ACAA2: variants seen among roughly 807,000 people sequenced by gnomAD.
The protein encoded by ACAA2 is acetyl-CoA acyltransferase 2.
Under a neutral mutation model 44.8 loss-of-function variants are expected in ACAA2, and 35 were observed. The ratio of observed to expected loss-of-function variants is 0.78; its 90% CI spans 0.60 to 1.04. The LOEUF is 1.04. Ranked by LOEUF, ACAA2 falls within the 50% of genes least tolerant of loss-of-function variation. The pLI, the probability that ACAA2 is intolerant of heterozygous loss-of-function variation, is 0.00. For missense variants in ACAA2, 468 were observed against 482.6 expected, an observed-to-expected ratio of 0.97 and a Z score of 0.28; for synonymous variants, 142 against 166.5, an observed-to-expected ratio of 0.85 and a Z score of 1.13.
chr18:49,792,869 C>T (rs1171743071), intron 5 of ACAA2, among the ~76,000 whole-genome samples: 4 of 151,904 alleles, frequency 2.6e-5, no homozygotes, highest in Admixed American at 2.0e-4. Context: ...TATTTACTTA[C>T]ACAACTTACC....
rs1357083857 is a variant in ACAA2 at position 49,783,807 on chromosome 18, A to G, written c.*40T>C. 1 of 1,572,370 alleles carries G rather than the reference A, an allele frequency of 6.4e-7. No individual in the cohort carries two copies. Among genetic ancestry groups the G allele is most frequent in the Non-Finnish European group, 8.7e-7 (1 of 1,144,372 alleles). Reference sequence around the variant, plus strand: ...CACTTGTTTTACTGTGGCCTGGCCAAGTAGAGTAAGGATGGGTCACAGTGA... The same window carrying G: ...CACTTGTTTTACTGTGGCCTGGCCAGGTAGAGTAAGGATGGGTCACAGTGA... On this transcript the variant is annotated 3_prime_UTR_variant, in exon 10 of 10. Coordinates refer to ENST00000285093, the MANE Select transcript of ACAA2 (RefSeq NM_006111.3).
At chr18:49,793,440 C>CT (rs1402848913) in intron 5 of ACAA2, among the ~76,000 whole-genome samples, 1 of 152,190 alleles carries the variant, frequency 6.6e-6, no homozygotes, top group African/African-American at 2.4e-5. Context: ...TATGACTGAG[C>CT]TTGATAACTT....
chr18:49,809,661 T>C (rs2023647625), intron 1 of ACAA2, among the ~76,000 whole-genome samples: 1 of 152,206 alleles, frequency 6.6e-6, no homozygotes. Context: ...CTACATGATA[T>C]CTGGAAAAGG....
At chr18:49,789,132 GCTGTGTATTTCCTCA>G (rs1403059348) in intron 7 of ACAA2, among the ~76,000 whole-genome samples, 1 of 152,092 alleles carries the variant, frequency 6.6e-6, no homozygotes, top group Non-Finnish European at 1.5e-5. Flanking sequence ...TCTTTCTATA[GCTGTGTATTTCCTCA>G]GAACCAGTAC....
At chr18:49,803,708 G>C (rs2023582433) in intron 1 of ACAA2, among the ~76,000 whole-genome samples, 3 of 152,124 alleles carry the variant, frequency 2.0e-5, no homozygotes, top group African/African-American at 7.2e-5. Context: ...ATATTGCCTA[G>C]TATTAGAATA....
intron 4 of ACAA2, among the ~76,000 whole-genome samples, chr18:49,795,393 T>A (rs2023453579): frequency 1.3e-5 from 2 of 152,216 alleles, no homozygotes; most frequent in Non-Finnish European, 2.9e-5. Flanking sequence ...TAAGTCACGT[T>A]AAAGATTTAA....
At chr18:49,810,251 C>T (rs1025985884) in intron 1 of ACAA2, among the ~76,000 whole-genome samples, 2 of 152,204 alleles carry the variant, frequency 1.3e-5, no homozygotes, top group Non-Finnish European at 2.9e-5. Flanking sequence ...ACACGTAACA[C>T]TCCACACCCC....
In ACAA2 at chr18:49,813,058, C is replaced by G. The variant is rs2023688983; in HGVS notation, c.16+411G>C. The G allele has an allele frequency of 1.1e-5, 2 of 174,544 alleles. 1 individual carries two copies. The highest frequency in any genetic ancestry group is 2.9e-4 in the East Asian group (2 of 6,910). 10.8% of individuals were successfully genotyped at this position (174,544 alleles called of 1,614,324 possible). On this transcript the variant is annotated intron_variant, in intron 1 of 9. Transcript: ENST00000285093. ...CCTCTCCATCGATTCACCCGGGGAG[C>G]CCTGACCACCGAGGCCGAGCGGCGG...
chr18:49,803,071 C>A (rs1598800695), intron 1 of ACAA2: 1 of 599,738 alleles, frequency 1.7e-6, no homozygotes, highest in Middle Eastern at 4.5e-4. Context: ...GTACCAAGAA[C>A]TGCACTGCAT....
intron 1 of ACAA2, among the ~76,000 whole-genome samples, chr18:49,810,811 C>A (rs574263379): frequency 1.3e-5 from 2 of 151,558 alleles, no homozygotes; most frequent in Non-Finnish European, 2.9e-5. Context: ...CACAGCCTCC[C>A]GAGTAGCTGG....
chr18:49,802,560 C>CAT, intron 2 of ACAA2, 127 bp downstream of exon 2: 3 of 592,568 alleles, frequency 5.1e-6, no homozygotes, highest in Non-Finnish European at 4.7e-6. Context: ...GACTCCATCT[C>CAT]AAAAAAAAAA....
At chr18:49,785,068 T>A (rs182799776) in intron 9 of ACAA2, 129 bp downstream of exon 9, 28 of 1,134,960 alleles carry the variant, frequency 2.5e-5, no homozygotes, top group African/African-American at 1.6e-4. Flanking sequence ...AAGTAACTTG[T>A]TCCTGGTAAC....
chr18:49,808,400 A>C (rs527722924), intron 1 of ACAA2, among the ~76,000 whole-genome samples: 18 of 152,374 alleles, frequency 1.2e-4, no homozygotes, highest in Admixed American at 1.1e-3. Flanking sequence ...AAAACCTGCA[A>C]ACAAATGTTT....
At chr18:49,785,468 T>A in intron 8 of ACAA2, 117 bp from the exon 9 acceptor site, 1 of 960,522 alleles carries the variant, frequency 1.0e-6, no homozygotes, top group Non-Finnish European at 1.6e-6. Flanking sequence ...TTAAATTACC[T>A]CGCAAAGTTA....
rs2023277629 is a variant in ACAA2 at position 49,782,497 on chromosome 18, A to G, written c.*1350T>C. 1 of 150,534 alleles carries G rather than the reference A, an allele frequency of 6.6e-6. No individual in the cohort carries two copies. The highest frequency in any genetic ancestry group is 1.5e-5 in the Non-Finnish European group (1 of 67,908). 9.3% of individuals were successfully genotyped at this position (150,534 alleles called of 1,614,324 possible). The stretch of plus-strand genomic sequence containing the variant: ...TTTAACATCTATTATTCAGTGAGCC[A>G]TGACTGTGCCACTGCAATTCTGCCT... On this transcript the variant is annotated 3_prime_UTR_variant, in exon 10 of 10. Coordinates refer to ENST00000285093, the MANE Select transcript of ACAA2 (RefSeq NM_006111.3).
intron 6 of ACAA2, among the ~76,000 whole-genome samples, 156 bp from the exon 7 acceptor site, chr18:49,791,755 A>G (rs2023402198): frequency 6.6e-6 from 1 of 152,206 alleles, no homozygotes; most frequent in East Asian, 1.9e-4. Flanking sequence ...TGGTGGATGA[A>G]GGAGATTTTT....
chr18:49,807,730 G>A (rs1376252846), intron 1 of ACAA2, among the ~76,000 whole-genome samples: 1 of 152,010 alleles, frequency 6.6e-6, no homozygotes, highest in Admixed American at 6.5e-5. Context: ...CACTTGGGAG[G>A]CTGAGGCAAG....
At chr18:49,786,843 C>T (rs758835800) in intron 8 of ACAA2, among the ~76,000 whole-genome samples, 34 of 152,244 alleles carry the variant, frequency 2.2e-4, no homozygotes, top group Admixed American at 3.3e-4. Flanking sequence ...CTACAACTAT[C>T]GTATAAAAGC....
chr18:49,803,486 G>A (rs971090555), intron 1 of ACAA2, among the ~76,000 whole-genome samples: 5 of 152,120 alleles, frequency 3.3e-5, no homozygotes, highest in African/African-American at 1.2e-4. Flanking sequence ...TTTTGAGGGA[G>A]CTCGGCTCTT....
Sources: allele counts gnomAD v4.1 joint callset (sites outside exome capture counted in the v4.1 genomes callset), GRCh38; gene constraint gnomAD v4.1.1; transcripts MANE v1.5; gene names NCBI Gene and HGNC (gene_info 2026-07-23, HGNC 2026-07-21).